Variants in SUGCT observed in about 807,000 individuals in gnomAD.
SUGCT encodes succinyl-CoA:glutarate CoA-transferase.
SUGCT carries 41 observed loss-of-function variants against 55.0 expected under a neutral mutation model. The observed-to-expected ratio is 0.74, with a 90% CI of 0.58 to 0.97. The LOEUF (loss-of-function observed/expected upper bound fraction) is 0.97. Ranked by LOEUF, SUGCT falls within the 50% of genes least tolerant of loss-of-function variation. The pLI is 0.00. For missense variants in SUGCT, 568 were observed against 547.8 expected (o/e 1.04, Z -0.37); for synonymous variants, 187 against 200.4 (o/e 0.93, Z 0.56).
At chr7:40,720,745 T>G (rs1370985977) in intron 12 of SUGCT, among the ~76,000 whole-genome samples, 1 of 152,250 alleles carries the variant, frequency 6.6e-6, no homozygotes, top group Admixed American at 6.5e-5. Context: ...GTCATGTTTT[T>G]GCTCCTTGAA....
chr7:40,658,885 A>G (rs1450108063), intron 12 of SUGCT, among the ~76,000 whole-genome samples: 1 of 152,184 alleles, frequency 6.6e-6, no homozygotes, highest in Non-Finnish European at 1.5e-5. Context: ...ATAAGCCAAG[A>G]AAGCTACAGA....
intron 13 of SUGCT, among the ~76,000 whole-genome samples, chr7:40,779,013 G>A (rs1562998844): frequency 6.6e-6 from 1 of 152,164 alleles, no homozygotes; most frequent in Non-Finnish European, 1.5e-5. Context: ...AGTGTTCTGA[G>A]CAGAGACCCT....
chr7:40,954,116 G>A, the SUGCT span, among the ~76,000 whole-genome samples: 2 of 152,158 alleles, frequency 1.3e-5, no homozygotes, highest in Non-Finnish European at 2.9e-5. Context: ...CGAGCTTCCT[G>A]GCCACTTTAT....
chr7:40,344,676 T>G (rs1797221321), intron 9 of SUGCT, among the ~76,000 whole-genome samples: 1 of 152,210 alleles, frequency 6.6e-6, no homozygotes, highest in Admixed American at 6.5e-5. Context: ...AAAAGTTTGC[T>G]GACCCATGCT....
At chr7:40,371,131 A>G (rs1336996273) in intron 9 of SUGCT, among the ~76,000 whole-genome samples, 2 of 152,134 alleles carry the variant, frequency 1.3e-5, no homozygotes, top group African/African-American at 2.4e-5. Flanking sequence ...GGAAGAGTCC[A>G]TTTTGACCAG....
intron 6 of SUGCT, among the ~76,000 whole-genome samples, chr7:40,199,542 A>G (rs996948315): frequency 6.6e-6 from 1 of 152,232 alleles, no homozygotes; most frequent in Non-Finnish European, 1.5e-5. Flanking sequence ...CTATACTTTT[A>G]GAAGTACAAT....
intron 12 of SUGCT, among the ~76,000 whole-genome samples, chr7:40,517,512 A>G (rs914025508): frequency 6.6e-6 from 1 of 152,042 alleles, no homozygotes; most frequent in Non-Finnish European, 1.5e-5. Context: ...TCAGGGTTAG[A>G]AGGTTCCTCT....
the SUGCT span, among the ~76,000 whole-genome samples, chr7:40,999,243 ATTC>A: frequency 1.3e-5 from 2 of 151,356 alleles, no homozygotes; most frequent in Middle Eastern, 3.2e-3. Flanking sequence ...ATTTTAAAGT[ATTC>A]TTCTTGTCTT....
intron 12 of SUGCT, among the ~76,000 whole-genome samples, chr7:40,615,566 C>G (rs1027273020): frequency 6.6e-6 from 1 of 152,132 alleles, no homozygotes; most frequent in African/African-American, 2.4e-5. Context: ...AATGGGTACC[C>G]AACACATCGC....
chr7:40,790,166 G>C (rs1032240730), intron 13 of SUGCT, among the ~76,000 whole-genome samples: 2 of 152,176 alleles, frequency 1.3e-5, no homozygotes, highest in East Asian at 3.8e-4. Flanking sequence ...TCATGGGAGG[G>C]ACCCAGTGGG....
intron 9 of SUGCT, among the ~76,000 whole-genome samples, chr7:40,333,859 C>T (rs527860728): frequency 6.0e-5 from 9 of 150,494 alleles, no homozygotes; most frequent in South Asian, 2.1e-4. Context: ...CCCATTAACT[C>T]GTCATTTACA....
chr7:40,922,338 A>C, the SUGCT span, among the ~76,000 whole-genome samples: 1 of 152,138 alleles, frequency 6.6e-6, no homozygotes, highest in African/African-American at 2.4e-5. Flanking sequence ...CCAAGTCCTA[A>C]TTTCAGGAAA....
intron 8 of SUGCT, among the ~76,000 whole-genome samples, chr7:40,290,866 A>G (rs1328445955): frequency 6.6e-6 from 1 of 152,248 alleles, no homozygotes; most frequent in Admixed American, 6.5e-5. Flanking sequence ...GACACTTCTC[A>G]AAAGAAGACA....
chr7:40,305,704 T>C (rs750291785), intron 8 of SUGCT, among the ~76,000 whole-genome samples: 1 of 152,116 alleles, frequency 6.6e-6, no homozygotes, highest in African/African-American at 2.4e-5. Context: ...CTCTGTGTCC[T>C]AGGCTGGAGT....
chr7:40,621,723 T>C (rs555305208), intron 12 of SUGCT, among the ~76,000 whole-genome samples: 1 of 152,332 alleles, frequency 6.6e-6, no homozygotes, highest in South Asian at 2.1e-4. Context: ...ATGATGGAAC[T>C]TTCTGGCTTA....
intron 12 of SUGCT, among the ~76,000 whole-genome samples, chr7:40,582,101 A>T (rs953279928): frequency 6.6e-6 from 1 of 152,178 alleles, no homozygotes; most frequent in Admixed American, 6.6e-5. Flanking sequence ...ACAAACAGAC[A>T]TCGCTCTCTA....
At chr7:40,635,170 C>T (rs1048721877) in intron 12 of SUGCT, among the ~76,000 whole-genome samples, 3 of 152,052 alleles carry the variant, frequency 2.0e-5, no homozygotes, top group Non-Finnish European at 2.9e-5. Flanking sequence ...CCTGTAGTCC[C>T]AGCTACTTGG....
chr7:40,900,017 C>T, the SUGCT span, among the ~76,000 whole-genome samples: 4 of 152,166 alleles, frequency 2.6e-5, no homozygotes, highest in Non-Finnish European at 4.4e-5. Context: ...TTCTAGAGGT[C>T]ACAGTAGTAG....
chr7:40,728,534 A>G (rs895393485), intron 12 of SUGCT, among the ~76,000 whole-genome samples: 4 of 152,128 alleles, frequency 2.6e-5, no homozygotes, highest in African/African-American at 9.7e-5. Context: ...AGAAAAAATA[A>G]AAGAATATAC....
Sources: allele counts gnomAD v4.1 joint callset (sites outside exome capture counted in the v4.1 genomes callset), GRCh38; gene constraint gnomAD v4.1.1; transcripts MANE v1.5; gene names NCBI Gene and HGNC (gene_info 2026-07-23, HGNC 2026-07-21).